CNTNAP2: variants seen among roughly 807,000 people sequenced by gnomAD.
CNTNAP2 encodes the protein contactin associated protein 2.
Under a neutral mutation model 155.2 loss-of-function variants are expected in CNTNAP2, and 98 were observed. That is an observed-to-expected ratio of 0.63 (90% CI 0.54 to 0.75). The LOEUF (loss-of-function observed/expected upper bound fraction) is 0.75. Ranked by LOEUF, CNTNAP2 falls within the 30% of genes least tolerant of loss-of-function variation. CNTNAP2 has a pLI of 0.00. For missense variants in CNTNAP2, 1,727 were observed against 1,688.1 expected (o/e 1.02, Z -0.40); for synonymous variants, 651 against 631.2 (o/e 1.03, Z -0.47).
chr7:147,635,272 CT>C (rs1016730291), intron 12 of CNTNAP2, among the ~76,000 whole-genome samples: 2,716 of 144,798 alleles, frequency 0.019, 91 homozygotes, highest in African/African-American at 0.064. Context: ...AGCTCCAAAA[CT>C]TTTTTTTTTT....
At chr7:147,223,269 C>T (rs1022462616) in intron 8 of CNTNAP2, among the ~76,000 whole-genome samples, 2 of 152,158 alleles carry the variant, frequency 1.3e-5, no homozygotes. Flanking sequence ...CTAAACATTT[C>T]CACCCACTGC....
At position 147,175,224 on chromosome 7, in the gene CNTNAP2, A is replaced by G. The variant is rs143330719; in HGVS notation, c.1348+42715A>G. Among the ~76,000 whole-genome samples the G allele has an allele frequency of 4.6e-3, 696 of 151,846 alleles. 13 individuals carry two copies. Among genetic ancestry groups the G allele is most frequent in the Admixed American group, 0.042 (641 of 15,230 alleles). Reference sequence around the variant, plus strand: ...CTTCCAAGATTAAGGATTTCATCTAATCAATTTCACCTAATTGAAATATGC... The same window carrying G: ...CTTCCAAGATTAAGGATTTCATCTAGTCAATTTCACCTAATTGAAATATGC... On this transcript the variant is annotated intron_variant, in intron 8 of 23. Coordinates refer to ENST00000361727, the MANE Select transcript of CNTNAP2 (RefSeq NM_014141.6).
At chr7:147,487,320 ATT>A (rs1417493367) in intron 11 of CNTNAP2, among the ~76,000 whole-genome samples, 2 of 152,224 alleles carry the variant, frequency 1.3e-5, no homozygotes, top group Admixed American at 6.5e-5. Context: ...ATATGAAAGT[ATT>A]TTAATGAATA....
intron 14 of CNTNAP2, among the ~76,000 whole-genome samples, chr7:147,964,029 G>A (rs966388390): frequency 2.6e-5 from 4 of 152,010 alleles, no homozygotes; most frequent in African/African-American, 7.2e-5. Flanking sequence ...TTGGAGACAG[G>A]GTCATTAAGG....
intron 12 of CNTNAP2, among the ~76,000 whole-genome samples, chr7:147,620,997 T>C (rs1074676): frequency 0.36 from 54,532 of 151,928 alleles, 11,148 homozygotes; most frequent in African/African-American, 0.54. Flanking sequence ...AAAAGAAGCA[T>C]ATAGCAGGCA....
rs534933514 is a variant in CNTNAP2, at chr7:146,137,428, G to T, written c.97+20455G>T. Among the ~76,000 whole-genome samples the T allele has an allele frequency of 3.3e-5, 5 of 152,154 alleles. No homozygotes were observed. The East Asian group carries it at 7.7e-4, about 24-fold the overall frequency. On this transcript the variant is annotated intron_variant, in intron 1 of 23. Transcript: ENST00000361727. ...TCCTTAAAAGCAAGGTGGAATATTT[G>T]CTTCTTTTGAAATGTCTGTGGCATT... is the stretch of plus-strand genomic sequence containing the variant.
chr7:147,915,295 C>G (rs1249166499), intron 14 of CNTNAP2, among the ~76,000 whole-genome samples: 1 of 152,146 alleles, frequency 6.6e-6, no homozygotes, highest in Non-Finnish European at 1.5e-5. Context: ...AATATTCATA[C>G]CATTAGCCCT....
intron 1 of CNTNAP2, among the ~76,000 whole-genome samples, chr7:146,465,338 T>C (rs1228432209): frequency 6.6e-6 from 1 of 152,184 alleles, no homozygotes; most frequent in Non-Finnish European, 1.5e-5. Context: ...GATTGTGGAA[T>C]GGCCTTGAGC....
At chr7:147,197,524 A>G (rs1386492737) in intron 8 of CNTNAP2, among the ~76,000 whole-genome samples, 1 of 152,168 alleles carries the variant, frequency 6.6e-6, no homozygotes, top group Non-Finnish European at 1.5e-5. Flanking sequence ...TAATAATATA[A>G]ATAATAGGAG....
rs148014064 is a variant in CNTNAP2 at position 147,335,838 on chromosome 7, A to C, written c.1498+35548A>C. ...TTCCCAACAGGCAACTTAACATTTA[A>C]TATCTGAAGGTCATTGCTGTACAAA... is the stretch of plus-strand genomic sequence containing the variant. On this transcript the variant is annotated intron_variant, in intron 9 of 23. Coordinates refer to ENST00000361727, the MANE Select transcript of CNTNAP2 (RefSeq NM_014141.6). 2.6e-4 allele frequency among the ~76,000 whole-genome samples: 40 copies of C among 151,914 alleles called. 1 individual carries two copies. Among genetic ancestry groups the C allele is most frequent in the African/African-American group, 9.4e-4 (39 of 41,462 alleles).
intron 18 of CNTNAP2, among the ~76,000 whole-genome samples, chr7:148,188,476 C>T (rs997394079): frequency 6.6e-6 from 1 of 152,148 alleles, no homozygotes; most frequent in East Asian, 1.9e-4. Context: ...AGAGCTGAAG[C>T]CTGTTAGTAA....
At chr7:146,771,194 C>T (rs530525621) in intron 1 of CNTNAP2, among the ~76,000 whole-genome samples, 1 of 152,230 alleles carries the variant, frequency 6.6e-6, no homozygotes, top group East Asian at 1.9e-4. Flanking sequence ...TATAAATTTA[C>T]ATTTTTTCGT....
rs114867921 is a variant in CNTNAP2, at chr7:148,035,879, A to G, written c.2383+57890A>G. Among the ~76,000 whole-genome samples the G allele has an allele frequency of 3.1e-3, 469 of 152,300 alleles. 2 individuals carry two copies. Among genetic ancestry groups the G allele is most frequent in the African/African-American group, 0.011 (447 of 41,574 alleles). On this transcript the variant is annotated intron_variant, in intron 15 of 23. Transcript: ENST00000361727. ...GGCTGCCTGAGACTTTGAGGGCCCAACCTCAACTCCAGTGTGTTCAGCACA... is the reference window on the plus strand; with the variant it reads ...GGCTGCCTGAGACTTTGAGGGCCCAGCCTCAACTCCAGTGTGTTCAGCACA...
intron 14 of CNTNAP2, among the ~76,000 whole-genome samples, chr7:147,968,382 C>G (rs60161222): frequency 0.13 from 19,573 of 152,084 alleles, 1,957 homozygotes; most frequent in African/African-American, 0.29. Context: ...TTCTAAAGAT[C>G]TCATTGTCAT....
chr7:147,548,596 C>T (rs185637590), intron 11 of CNTNAP2, among the ~76,000 whole-genome samples: 60 of 152,182 alleles, frequency 3.9e-4, no homozygotes, highest in African/African-American at 8.7e-4. Context: ...GCTGTGCAGA[C>T]GCTCTTCAGT....
intron 1 of CNTNAP2, among the ~76,000 whole-genome samples, chr7:146,688,127 C>T (rs142920836): frequency 9.9e-5 from 15 of 152,170 alleles, no homozygotes; most frequent in Non-Finnish European, 1.8e-4. Context: ...ATTAAATAGG[C>T]GTCTGTAGAC....
intron 11 of CNTNAP2, among the ~76,000 whole-genome samples, chr7:147,545,596 A>G (rs1799715201): frequency 6.6e-6 from 1 of 152,222 alleles, no homozygotes; most frequent in Non-Finnish European, 1.5e-5. Context: ...ATGCAGCTGT[A>G]GTCAAATGAC....
intron 1 of CNTNAP2, among the ~76,000 whole-genome samples, chr7:146,244,877 G>A (rs1438633395): frequency 6.6e-6 from 1 of 152,028 alleles, no homozygotes; most frequent in African/African-American, 2.4e-5. Flanking sequence ...CTGACTCGGG[G>A]CATGTTGAGT....
At chr7:146,418,999 G>T (rs1202216183) in intron 1 of CNTNAP2, among the ~76,000 whole-genome samples, 1 of 152,048 alleles carries the variant, frequency 6.6e-6, no homozygotes, top group Admixed American at 6.6e-5. Flanking sequence ...TGCACTTCTA[G>T]CCTTTTGTAT....
Sources: gnomAD v4.1 joint callset for allele counts (sites outside exome capture counted in the v4.1 genomes callset) on GRCh38, gnomAD v4.1.1 for gene constraint, MANE v1.5 for transcripts, NCBI Gene and HGNC (gene_info 2026-07-23, HGNC 2026-07-21) for gene names.